The following COL4A6 variants were observed in gnomAD, a reference collection of about 807,000 sequenced individuals.
COL4A6 encodes the protein collagen type IV alpha 6 chain, also known as collagen alpha-6(IV) chain.
COL4A6 carries 59 observed loss-of-function variants against 126.7 expected under a neutral mutation model. The observed-to-expected ratio is 0.47, with a 90% CI of 0.38 to 0.58. The LOEUF (loss-of-function observed/expected upper bound fraction) is 0.58. Among genes scored for constraint, COL4A6 ranks in the 20% least tolerant of loss-of-function variants. COL4A6 has a pLI of 0.00. For synonymous variants in COL4A6, 547 were observed against 496.6 expected (o/e 1.10, Z -1.35); for missense variants, 1,285 against 1,337.3 (o/e 0.96, Z 0.61).
chrX:108,302,382 A>G (rs1569416158), intron 3 of COL4A6, among the ~76,000 whole-genome samples: 1 of 111,621 alleles, frequency 9.0e-6, no homozygotes, highest in Non-Finnish European at 1.9e-5. Context: ...TATTTCATAT[A>G]GTCTTCATTA....
chrX:108,220,208 C>T (rs1341233842), intron 4 of COL4A6, among the ~76,000 whole-genome samples: 1 of 112,099 alleles, frequency 8.9e-6, no homozygotes, highest in East Asian at 2.8e-4. Flanking sequence ...TTGCATCCAC[C>T]TTCAGGAACC....
At chrX:108,293,372 T>A (rs2038228944) in intron 3 of COL4A6, among the ~76,000 whole-genome samples, 1 of 111,648 alleles carries the variant, frequency 9.0e-6, no homozygotes, top group Non-Finnish European at 1.9e-5. Flanking sequence ...GTACTTAATA[T>A]TATTATTAGT....
intron 3 of COL4A6, among the ~76,000 whole-genome samples, chrX:108,245,493 G>A (rs752469405): frequency 8.9e-6 from 1 of 112,015 alleles, no homozygotes; most frequent in Non-Finnish European, 1.9e-5. Context: ...TTAGCATTTA[G>A]CAAAGCAAAA....
intron 3 of COL4A6, among the ~76,000 whole-genome samples, chrX:108,260,614 C>T (rs2147718942): frequency 9.0e-6 from 1 of 111,296 alleles, no homozygotes; most frequent in South Asian, 3.8e-4. Flanking sequence ...GATTGTGAGG[C>T]CTCCCAGTCA....
intron 6 of COL4A6, among the ~76,000 whole-genome samples, chrX:108,213,531 G>T (rs1431970627): frequency 3.6e-5 from 4 of 112,292 alleles, no homozygotes; most frequent in Non-Finnish European, 7.5e-5. Flanking sequence ...CTATAGAGTA[G>T]GGTTTCTCAA....
intron 2 of COL4A6, chrX:108,383,521 T>C (rs2148142301): frequency 6.8e-6 from 3 of 438,436 alleles, no homozygotes; most frequent in East Asian, 4.0e-5. Flanking sequence ...TTGGGTGTTT[T>C]TGCATTCCTG....
intron 2 of COL4A6, among the ~76,000 whole-genome samples, 192 bp downstream of exon 2, chrX:108,437,750 G>C (rs1424859287): frequency 9.0e-6 from 1 of 111,189 alleles, no homozygotes; most frequent in Admixed American, 9.6e-5. Context: ...AAGATATCTT[G>C]GTCCCAAAAA....
chrX:108,202,906 T>C, intron 13 of COL4A6, 22 bp downstream of exon 13: 2 of 1,189,756 alleles, frequency 1.7e-6, no homozygotes. Flanking sequence ...TGTATACATA[T>C]TGATCAAATA....
chrX:108,360,064 C>T (rs946855229), intron 2 of COL4A6, among the ~76,000 whole-genome samples: 2 of 111,689 alleles, frequency 1.8e-5, no homozygotes, highest in Non-Finnish European at 3.8e-5. Context: ...TTGGTCTGTG[C>T]AGTACTACCA....
chrX:108,193,428 T>C (rs1462345269), intron 17 of COL4A6, among the ~76,000 whole-genome samples, 200 bp downstream of exon 17: 3 of 111,223 alleles, frequency 2.7e-5, no homozygotes, highest in African/African-American at 9.8e-5. Context: ...AACACAAAAA[T>C]GGGGTGCTGG....
At chrX:108,177,079 C>T (rs2034522501) in intron 27 of COL4A6, 68 bp from the exon 28 acceptor site, 3 of 1,011,301 alleles carry the variant, frequency 3.0e-6, no homozygotes, top group East Asian at 6.2e-5. Context: ...TGGGCCACTG[C>T]CTATATCATA....
chrX:108,239,268 C>T (rs1258596933), intron 3 of COL4A6, among the ~76,000 whole-genome samples: 1 of 112,062 alleles, frequency 8.9e-6, no homozygotes, highest in East Asian at 2.8e-4. Context: ...TTAAGAAGTT[C>T]TACACTATTT....
intron 36 of COL4A6, 79 bp downstream of exon 36, chrX:108,169,866 G>A: frequency 2.1e-6 from 2 of 973,391 alleles, no homozygotes. Flanking sequence ...ATACACCACA[G>A]TCGAGAATTC....
chrX:108,267,505 C>T (rs762407234), intron 3 of COL4A6: 35 of 112,279 alleles, frequency 3.1e-4, no homozygotes, highest in Non-Finnish European at 4.9e-4. Flanking sequence ...GCCCACAGCA[C>T]GTAAAGTACT....
intron 3 of COL4A6, among the ~76,000 whole-genome samples, chrX:108,272,719 T>G (rs2037487233): frequency 9.1e-6 from 1 of 109,908 alleles, no homozygotes; most frequent in Admixed American, 9.8e-5. Flanking sequence ...CTCTCATTTT[T>G]TATTTCAGTA....
At chrX:108,263,644 T>A (rs2037223053) in intron 3 of COL4A6, among the ~76,000 whole-genome samples, 1 of 112,251 alleles carries the variant, frequency 8.9e-6, no homozygotes, top group Admixed American at 9.4e-5. Context: ...AACTACTGAA[T>A]TAAGTCATCT....
At chrX:108,404,360 G>C (rs1011849358) in intron 2 of COL4A6, among the ~76,000 whole-genome samples, 2 of 111,807 alleles carry the variant, frequency 1.8e-5, no homozygotes, top group Non-Finnish European at 3.8e-5. Flanking sequence ...TTCTAAACAT[G>C]ATATAAATCT....
intron 2 of COL4A6, among the ~76,000 whole-genome samples, chrX:108,373,222 G>A (rs188382118): frequency 7.2e-5 from 8 of 111,132 alleles, no homozygotes; most frequent in Non-Finnish European, 1.5e-4. Context: ...GGGCAACATA[G>A]CAAGACCCGA....
intron 30 of COL4A6, 42 bp from the exon 31 acceptor site, chrX:108,174,663 A>G: frequency 9.1e-7 from 1 of 1,101,054 alleles, no homozygotes; most frequent in Non-Finnish European, 1.2e-6. Context: ...ACACTGGGCA[A>G]GAAAAACCCA....
Sources: allele counts gnomAD v4.1 joint callset (sites outside exome capture counted in the v4.1 genomes callset), GRCh38; gene constraint gnomAD v4.1.1; transcripts MANE v1.5; gene names NCBI Gene and HGNC (gene_info 2026-07-23, HGNC 2026-07-21).